Variants in CABYR observed in about 807,000 individuals in gnomAD.
CABYR encodes calcium binding tyrosine phosphorylation regulated.
CABYR carries 31 observed loss-of-function variants against 36.1 expected under a neutral mutation model. The ratio of observed to expected loss-of-function variants is 0.86; its 90% confidence interval spans 0.64 to 1.16. CABYR has a LOEUF of 1.16. Among genes scored for constraint, CABYR ranks in the 50% most tolerant of loss-of-function variants. The pLI is 0.00. For missense variants in CABYR, 429 were observed against 455.8 expected (o/e 0.94, Z 0.53); for synonymous variants, 146 against 160.7 (o/e 0.91, Z 0.69).
In CABYR at chr18:24,143,022, CAAAAAAA is replaced by C. The variant is rs11320479; in HGVS notation, c.-24-55_-24-49del. ...CACTCCAGCCTGGGTGACAGAGTCT[CAAAAAAA>C]AAAAAAAAAAAAACCTATTTTAGTA... On this transcript the variant is annotated intron_variant, in intron 1 of 5. Transcript: ENST00000399496. 29 of 699,994 alleles carry C rather than the reference CAAAAAAA, an allele frequency of 4.1e-5. No homozygotes were observed. The African/African-American group carries it at 6.4e-4, about 16-fold the overall frequency. The allele number at this position is 699,994 out of a possible 1,614,324, so 43.4% of individuals were successfully genotyped here. A position where few individuals can be genotyped will look rare whatever the true frequency, so the allele number is the denominator to read the frequency against.
intron 4 of CABYR, among the ~76,000 whole-genome samples, chr18:24,158,942 A>G (rs747659070): frequency 9.2e-5 from 14 of 152,132 alleles, no homozygotes; most frequent in African/African-American, 2.9e-4. Context: ...GGGGTTCTCA[A>G]TCCTAGATTA....
Position 24,161,556 on chromosome 18 carries a change from A to AGTC in CABYR, c.*41_*43dup, listed in dbSNP as rs757838350. ...TGTCTGGGTCAACATTTCAGGGAGG[A>AGTC]GTCTGCCACCAGTGTAATGTATCAA... On this transcript the variant is annotated 3_prime_UTR_variant, in exon 6 of 6. Coordinates refer to ENST00000399496, the MANE Select transcript of CABYR (RefSeq NM_153769.3). 6 of 780,172 alleles carry AGTC rather than the reference A, an allele frequency of 7.7e-6. No individual in the cohort carries two copies. The South Asian group carries it at 8.1e-5, about 10-fold the overall frequency. The allele number at this position is 780,172 out of a possible 1,614,324, so 48.3% of individuals were successfully genotyped here.
At chr18:24,152,296 A>C (rs983627518) in intron 3 of CABYR, among the ~76,000 whole-genome samples, 1 of 152,180 alleles carries the variant, frequency 6.6e-6, no homozygotes, top group Non-Finnish European at 1.5e-5. Flanking sequence ...CAGATGCATT[A>C]TTTCACTTAG....
rs1382343447 is a variant in CABYR, at chr18:24,153,618, G to A, written c.200-2083G>A. Among the ~76,000 whole-genome samples, 5 of 152,020 alleles carry A rather than the reference G, an allele frequency of 3.3e-5. 1 individual carries two copies. The highest frequency in any genetic ancestry group is 1.3e-4 in the Admixed American group (2 of 15,270). On this transcript the variant is annotated intron_variant, in intron 3 of 5. Transcript: ENST00000399496. ...TGTCCCTTTTCTCCCTGGAGGGGCT[G>A]GTTCCTCTTTTGAAATCAGATTACT...
At chr18:24,141,744 AC>A (rs2085326387) in intron 1 of CABYR, among the ~76,000 whole-genome samples, 1 of 152,206 alleles carries the variant, frequency 6.6e-6, no homozygotes, top group Non-Finnish European at 1.5e-5. Flanking sequence ...ACACCCTGAC[AC>A]AGTTTCAGGT....
intron 3 of CABYR, among the ~76,000 whole-genome samples, chr18:24,144,925 TA>T (rs1481778563): frequency 1.3e-5 from 2 of 152,242 alleles, no homozygotes; most frequent in Non-Finnish European, 2.9e-5. Flanking sequence ...TCACAGTGTG[TA>T]AATTTTGACC....
chr18:24,148,766 T>G (rs1163764640), intron 3 of CABYR: 1 of 150,102 alleles, frequency 6.7e-6, no homozygotes, highest in Non-Finnish European at 1.5e-5. Flanking sequence ...CTGGAGTTGT[T>G]TGTTCCTCCC....
rs186444134 is a variant in CABYR, at chr18:24,147,432, C to T, written c.199+4019C>T. On this transcript the variant is annotated intron_variant, in intron 3 of 5. Coordinates refer to ENST00000399496, the MANE Select transcript of CABYR (RefSeq NM_153769.3). ...ACCAGGACAAAGATCTCCAATGTTA[C>T]GATTTCTATTTAGCTTTGTACTGTA... Among the ~76,000 whole-genome samples the T allele has an allele frequency of 2.6e-5, 4 of 152,100 alleles. No homozygotes were observed. The East Asian group carries it at 7.7e-4, about 29-fold the overall frequency.
At position 24,159,723 on chromosome 18, in the gene CABYR, T is replaced by G. The variant is rs764341699; in HGVS notation, c.793T>G (p.Ser265Ala). ...TSAPPFILVG[S>A]NVQEAQGWKP... ...TGCCCCACCTTTTATCTTAGTAGGC[T>G]CAAATGTTCAGGAAGCACAGGGATG... Residue 265 changes from serine to alanine, a missense_variant, in exon 5 of 6, where the codon TCA becomes GCA. By Grantham distance (99) the Ser-to-Ala change is moderately conservative. Coordinates refer to ENST00000399496, the MANE Select transcript of CABYR (RefSeq NM_153769.3). The G allele has an allele frequency of 6.2e-7, 1 of 1,613,704 alleles. No individual in the cohort carries two copies. Among genetic ancestry groups the G allele is most frequent in the East Asian group, 2.2e-5 (1 of 44,852 alleles).
At chr18:24,146,976 A>G (rs530914844) in intron 3 of CABYR, among the ~76,000 whole-genome samples, 2 of 152,206 alleles carry the variant, frequency 1.3e-5, no homozygotes, top group Admixed American at 1.3e-4. Context: ...TGCATTGCCT[A>G]CTCTACAAGA....
intron 4 of CABYR, chr18:24,156,286 T>A (rs1281830448): frequency 6.2e-7 from 1 of 1,614,014 alleles, no homozygotes. Flanking sequence ...GCTTCCTCAG[T>A]CCCCTTGCAG....
intron 4 of CABYR, chr18:24,156,546 G>C (rs1242294618): frequency 6.2e-7 from 1 of 1,614,162 alleles, no homozygotes; most frequent in Admixed American, 1.7e-5. Context: ...ATCTGTAGTA[G>C]AAAAGACCAC....
intron 3 of CABYR, among the ~76,000 whole-genome samples, chr18:24,151,553 CCTT>C (rs1399304606): frequency 3.3e-5 from 5 of 152,078 alleles, no homozygotes; most frequent in African/African-American, 1.2e-4. Context: ...AGCTTTTTAC[CCTT>C]CTTAATAAAC....
At chr18:24,156,109 CTGT>C (rs2085776566) in intron 4 of CABYR, 67 bp downstream of exon 4, 2 of 1,614,126 alleles carry the variant, frequency 1.2e-6, no homozygotes, top group Non-Finnish European at 8.5e-7. Context: ...ACCAGTATGC[CTGT>C]TGTTATCAAG....
chr18:24,145,999 ACAAT>A (rs930671766), intron 3 of CABYR, among the ~76,000 whole-genome samples: 31 of 152,182 alleles, frequency 2.0e-4, no homozygotes, highest in African/African-American at 7.0e-4. Context: ...AAGAAAATTA[ACAAT>A]CAGAGCCTTT....
At chr18:24,159,343 T>C (rs982478850) in intron 4 of CABYR, 129 bp from the exon 5 acceptor site, 4 of 682,708 alleles carry the variant, frequency 5.9e-6, no homozygotes, top group Non-Finnish European at 1.0e-5. Context: ...CAGCCCTCTC[T>C]ATAGCATGCT....
chr18:24,141,130 G>C (rs886272705), intron 1 of CABYR, among the ~76,000 whole-genome samples: 5 of 152,144 alleles, frequency 3.3e-5, no homozygotes, highest in Non-Finnish European at 7.3e-5. Flanking sequence ...GAATGATATC[G>C]TAAAAGGAAG....
intron 5 of CABYR, among the ~76,000 whole-genome samples, chr18:24,161,125 T>C (rs1273768290): frequency 6.6e-6 from 1 of 152,012 alleles, no homozygotes; most frequent in East Asian, 1.9e-4. Context: ...GGGAGATGAG[T>C]TGAAAGTACA....
chr18:24,156,163 C>T, intron 4 of CABYR, 121 bp downstream of exon 4: 1 of 1,614,220 alleles, frequency 6.2e-7, no homozygotes, highest in Non-Finnish European at 8.5e-7. Context: ...GTCATGGTGG[C>T]TGCTCCTCTT....
Sources: gnomAD v4.1 joint callset for allele counts (sites outside exome capture counted in the v4.1 genomes callset) on GRCh38, gnomAD v4.1.1 for gene constraint, MANE v1.5 for transcripts, NCBI Gene and HGNC (gene_info 2026-07-23, HGNC 2026-07-21) for gene names.